The following CLSTN2 variants were observed in gnomAD, a reference collection of about 807,000 sequenced individuals.
CLSTN2 encodes calsyntenin-2.
Under a neutral mutation model 101.2 loss-of-function variants are expected in CLSTN2, and 48 were observed. The ratio of observed to expected loss-of-function variants is 0.47; its 90% CI spans 0.38 to 0.60. The LOEUF is 0.60. Among genes scored for constraint, CLSTN2 ranks in the 20% least tolerant of loss-of-function variants. The probability of loss-of-function intolerance (pLI) is 0.00; values close to 1 mark genes in which losing one functional copy is unlikely to be tolerated. For missense variants in CLSTN2, 1,160 were observed against 1,238.2 expected (o/e 0.94, Z 0.95); for synonymous variants, 481 against 463.6 (o/e 1.04, Z -0.48).
At chr3:140,348,645 C>T (rs2087574707) in intron 2 of CLSTN2, among the ~76,000 whole-genome samples, 1 of 152,200 alleles carries the variant, frequency 6.6e-6, no homozygotes, top group African/African-American at 2.4e-5. Context: ...GGAAGGTAGG[C>T]CTCAGTAGTG....
At chr3:140,113,799 A>G (rs1430493012) in intron 1 of CLSTN2, among the ~76,000 whole-genome samples, 1 of 152,244 alleles carries the variant, frequency 6.6e-6, no homozygotes, top group Admixed American at 6.5e-5. Flanking sequence ...CACGACTATC[A>G]GGTTGAGCAA....
At chr3:140,003,866 C>T (rs2006903074) in intron 1 of CLSTN2, among the ~76,000 whole-genome samples, 1 of 152,122 alleles carries the variant, frequency 6.6e-6, no homozygotes, top group Admixed American at 6.5e-5. Flanking sequence ...ATGACAATTA[C>T]TTTAAAGTCC....
intron 2 of CLSTN2, among the ~76,000 whole-genome samples, chr3:140,333,393 ATC>A (rs2087407399): frequency 6.6e-6 from 1 of 152,168 alleles, no homozygotes; most frequent in Non-Finnish European, 1.5e-5. Flanking sequence ...GGACCAGATT[ATC>A]TCTGAGAACC....
rs1559815218 is a variant in CLSTN2, at chr3:140,236,823, T to TTG, written c.232+60750_232+60751insTG. ...ATTTCCTATTACATGTTATGTTATA[T>TTG]AGTGTGTGTGTGTGTGTGTGTGTGT... is the stretch of plus-strand genomic sequence containing the variant. On this transcript the variant is annotated intron_variant, in intron 2 of 16. Transcript: ENST00000458420. Among the ~76,000 whole-genome samples, 26 of 106,076 alleles carry TTG rather than the reference T, an allele frequency of 2.5e-4. No homozygotes were observed. In the Admixed American group the frequency reaches 2.7e-3, roughly 11 times the overall value. The allele number at this position is 106,076 out of a possible 152,430, so 69.6% of individuals were successfully genotyped here.
intron 1 of CLSTN2, among the ~76,000 whole-genome samples, chr3:140,059,627 T>C (rs1253471755): frequency 6.6e-6 from 1 of 152,060 alleles, no homozygotes; most frequent in African/African-American, 2.4e-5. Flanking sequence ...AGGGTGGATA[T>C]AATTATCCTT....
intron 2 of CLSTN2, among the ~76,000 whole-genome samples, chr3:140,259,263 CA>C (rs1182854195): frequency 6.6e-6 from 1 of 151,576 alleles, no homozygotes; most frequent in African/African-American, 2.4e-5. Flanking sequence ...CACCTGAGAT[CA>C]GGGGTTCGAG....
Position 140,088,183 on chromosome 3 carries a change from A to G in CLSTN2, c.110-87768A>G, listed in dbSNP as rs534101030. The stretch of plus-strand genomic sequence containing the variant: ...ATCACTTGGTTAAAATAAGATTTAG[A>G]GCACTGTTATCACAGAAGAGATGGT... On this transcript the variant is annotated intron_variant, in intron 1 of 16. Transcript: ENST00000458420. 1.0e-3 allele frequency among the ~76,000 whole-genome samples: 159 copies of G among 152,326 alleles called. 1 individual carries two copies. The highest frequency in any genetic ancestry group is 3.8e-3 in the African/African-American group (156 of 41,578).
chr3:140,552,844 T>C (rs780876884), intron 10 of CLSTN2, among the ~76,000 whole-genome samples: 1 of 152,152 alleles, frequency 6.6e-6, no homozygotes, highest in Non-Finnish European at 1.5e-5. Context: ...CACAAGACTC[T>C]GCTATAGGAG....
chr3:139,996,859 C>G (rs1389596628), intron 1 of CLSTN2, among the ~76,000 whole-genome samples: 1 of 151,850 alleles, frequency 6.6e-6, no homozygotes, highest in African/African-American at 2.4e-5. Flanking sequence ...ATCAGCCTGA[C>G]CAACATGAAG....
intron 8 of CLSTN2, among the ~76,000 whole-genome samples, chr3:140,476,906 G>T (rs953375898): frequency 1.3e-5 from 2 of 152,150 alleles, no homozygotes; most frequent in Admixed American, 1.3e-4. Context: ...TGATCCACCC[G>T]CCTTGGCCTC....
At chr3:140,065,877 G>A (rs2008290922) in intron 1 of CLSTN2, among the ~76,000 whole-genome samples, 2 of 152,156 alleles carry the variant, frequency 1.3e-5, no homozygotes, top group South Asian at 4.1e-4. Context: ...TAATCCCATG[G>A]AAGGATTAAT....
chr3:140,318,841 G>T (rs1404782982), intron 2 of CLSTN2, among the ~76,000 whole-genome samples: 1 of 152,174 alleles, frequency 6.6e-6, no homozygotes, highest in Non-Finnish European at 1.5e-5. Context: ...GTAAAGTGGA[G>T]AATTTAAACT....
At chr3:140,555,903 G>A (rs1254469218) in intron 10 of CLSTN2, among the ~76,000 whole-genome samples, 1 of 146,560 alleles carries the variant, frequency 6.8e-6, no homozygotes, top group East Asian at 1.9e-4. Flanking sequence ...GAAATGGATA[G>A]ATAACAAACC....
chr3:140,137,216 A>G (rs556291119), intron 1 of CLSTN2, among the ~76,000 whole-genome samples: 2 of 152,244 alleles, frequency 1.3e-5, no homozygotes, highest in South Asian at 4.2e-4. Flanking sequence ...TCAGGATCCC[A>G]ATGATACAAA....
chr3:140,190,632 CAT>C lies in CLSTN2; in HGVS notation c.232+14560_232+14561del, dbSNP rs578151729. ...ATAGATTTAAATATATATTCCTGCA[CAT>C]GTTTTCTTATATTTATATCTAAGTA... On this transcript the variant is annotated intron_variant, in intron 2 of 16. Coordinates refer to ENST00000458420, the MANE Select transcript of CLSTN2 (RefSeq NM_022131.3). Among the ~76,000 whole-genome samples the C allele has an allele frequency of 8.6e-5, 13 of 151,998 alleles. 1 individual carries two copies. Among genetic ancestry groups the C allele is most frequent in the South Asian group, 8.3e-4 (4 of 4,812 alleles).
intron 1 of CLSTN2, among the ~76,000 whole-genome samples, chr3:140,029,363 AG>A (rs145744048): frequency 0.015 from 2,301 of 152,292 alleles, 64 homozygotes; most frequent in African/African-American, 0.053. Context: ...TGTGACTAAA[AG>A]TATATAGTAT....
chr3:140,231,640 C>T (rs530793497), intron 2 of CLSTN2, among the ~76,000 whole-genome samples: 94 of 152,280 alleles, frequency 6.2e-4, no homozygotes, highest in Non-Finnish European at 1.0e-3. Flanking sequence ...TATGATGTCA[C>T]GTTGCTCCAT....
intron 1 of CLSTN2, among the ~76,000 whole-genome samples, chr3:139,977,908 G>A (rs1339305867): frequency 6.6e-6 from 1 of 152,170 alleles, no homozygotes; most frequent in African/African-American, 2.4e-5. Flanking sequence ...TGCTCAGCGT[G>A]TTCTTAATGC....
intron 1 of CLSTN2, among the ~76,000 whole-genome samples, chr3:139,944,592 C>A (rs1935186915): frequency 6.6e-6 from 1 of 152,190 alleles, no homozygotes; most frequent in African/African-American, 2.4e-5. Flanking sequence ...GGCTGTGAGC[C>A]CTTGGAGGGG....
Sources: allele counts gnomAD v4.1 joint callset (sites outside exome capture counted in the v4.1 genomes callset), GRCh38; gene constraint gnomAD v4.1.1; transcripts MANE v1.5; gene names NCBI Gene and HGNC (gene_info 2026-07-23, HGNC 2026-07-21).